Variants in PHYHIPL observed in about 807,000 individuals in gnomAD.
The protein encoded by PHYHIPL is phytanoyl-CoA 2-hydroxylase interacting protein like, also known as phytanoyl-CoA hydroxylase-interacting protein-like.
PHYHIPL carries 9 observed loss-of-function variants against 33.4 expected under a neutral mutation model. The observed-to-expected ratio is 0.27, with a 90% CI of 0.16 to 0.47. PHYHIPL has a LOEUF of 0.47. Among genes scored for constraint, PHYHIPL ranks in the 20% least tolerant of loss-of-function variants. PHYHIPL has a pLI of 0.99. For synonymous variants in PHYHIPL, 153 were observed against 154.1 expected, an observed-to-expected ratio of 0.99 and a Z score of 0.05; for missense variants, 365 against 460.7, an observed-to-expected ratio of 0.79 and a Z score of 1.90.
chr10:59,179,004 A>C (rs1016241671), intron 1 of PHYHIPL, among the ~76,000 whole-genome samples: 7 of 152,178 alleles, frequency 4.6e-5, no homozygotes, highest in Non-Finnish European at 1.0e-4. Flanking sequence ...AACAAATACA[A>C]AGAGCTAACT....
At chr10:59,174,253 C>G (rs148884813), upstream of PHYHIPL, among the ~76,000 whole-genome samples, 266 of 152,058 alleles carry the variant, frequency 1.7e-3, 1 homozygote, top group African/African-American at 5.7e-3. Context: ...TACCCCTTTC[C>G]CGTAATTCTC....
At chr10:59,175,678 T>C (rs1287601737), upstream of PHYHIPL, among the ~76,000 whole-genome samples, 1 of 152,208 alleles carries the variant, frequency 6.6e-6, no homozygotes, top group Non-Finnish European at 1.5e-5. Flanking sequence ...CACTGCAGAA[T>C]CTTAAATGCA....
intron 1 of PHYHIPL, among the ~76,000 whole-genome samples, chr10:59,198,331 T>G (rs548581375): frequency 2.2e-4 from 33 of 152,160 alleles, no homozygotes; most frequent in African/African-American, 6.7e-4. Flanking sequence ...GCGATAGTTT[T>G]CTGAGAATGA....
chr10:59,199,231 A>C lies in PHYHIPL; in HGVS notation c.106+22272A>C, dbSNP rs1347578859. ...TTTAATCCATCTTGAACTAATTTTT[A>C]TATAAGATATAAGGAAGGGATCCAG... On this transcript the variant is annotated intron_variant, in intron 1 of 4. Coordinates refer to ENST00000373880, the MANE Select transcript of PHYHIPL (RefSeq NM_032439.4). 4.0e-5 allele frequency among the ~76,000 whole-genome samples: 6 copies of C among 151,842 alleles called. No individual in the cohort carries two copies. The East Asian group carries it at 7.7e-4, about 20-fold the overall frequency.
At chr10:59,177,370 C>G (rs1838282707) in intron 1 of PHYHIPL, 2 of 1,126,330 alleles carry the variant, frequency 1.8e-6, no homozygotes, top group Admixed American at 2.8e-5. Flanking sequence ...CACACACACA[C>G]TAGTTGGCAT....
At chr10:59,199,511 T>C (rs1462312854) in intron 1 of PHYHIPL, among the ~76,000 whole-genome samples, 9 of 152,170 alleles carry the variant, frequency 5.9e-5, no homozygotes, top group Non-Finnish European at 1.2e-4. Context: ...GCTTTGTTCT[T>C]TGGCTTAGGA....
At chr10:59,209,569 C>T (rs1839387744) in intron 1 of PHYHIPL, among the ~76,000 whole-genome samples, 1 of 152,166 alleles carries the variant, frequency 6.6e-6, no homozygotes, top group African/African-American at 2.4e-5. Flanking sequence ...ATCAAATTCA[C>T]ACATAACAAT....
intron 1 of PHYHIPL, among the ~76,000 whole-genome samples, chr10:59,203,470 A>G (rs1361715598): frequency 1.3e-5 from 2 of 152,206 alleles, no homozygotes; most frequent in Non-Finnish European, 2.9e-5. Context: ...ACGCACACGT[A>G]TGTTTATTGT....
chr10:59,211,864 A>AT (rs1396864033), intron 1 of PHYHIPL, among the ~76,000 whole-genome samples: 1 of 152,004 alleles, frequency 6.6e-6, no homozygotes, highest in African/African-American at 2.4e-5. Context: ...CATATTTCTG[A>AT]TTTTTACATT....
At chr10:59,226,117 C>T (rs893338609) in intron 1 of PHYHIPL, among the ~76,000 whole-genome samples, 2 of 151,194 alleles carry the variant, frequency 1.3e-5, no homozygotes, top group African/African-American at 4.9e-5. Flanking sequence ...AGATAATAAA[C>T]TAATATATAA....
intron 4 of PHYHIPL, among the ~76,000 whole-genome samples, chr10:59,243,474 G>C (rs1840487287): frequency 6.6e-6 from 1 of 152,008 alleles, no homozygotes; most frequent in African/African-American, 2.4e-5. Context: ...AAAAGTATAG[G>C]GTCACATCCA....
rs376756765 is a variant in PHYHIPL, at chr10:59,245,225, C to T, written c.765C>T (p.Ala255=). ...SPYGRYRFEI[A]AEKLFNPNTN... is the part of the protein sequence containing the mutation. ...ATGGAAGATACAGGTTTGAGATTGC[C>T]GCAGAAAAACTTTTTAACCCCAATA... The change falls in exon 5 of 5, where the codon GCC becomes GCT. Residue 255 remains alanine, a synonymous_variant. Coordinates refer to ENST00000373880, the MANE Select transcript of PHYHIPL (RefSeq NM_032439.4). The T allele has an allele frequency of 2.1e-5, 34 of 1,614,090 alleles. No individual in the cohort carries two copies. Among genetic ancestry groups the T allele is most frequent in the African/African-American group, 1.1e-4 (8 of 75,022 alleles).
chr10:59,181,689 T>C (rs1454257131), intron 1 of PHYHIPL, among the ~76,000 whole-genome samples: 1 of 152,104 alleles, frequency 6.6e-6, no homozygotes, highest in Non-Finnish European at 1.5e-5. Flanking sequence ...TATAGAGATA[T>C]TAGTGAGTAT....
intron 1 of PHYHIPL, among the ~76,000 whole-genome samples, chr10:59,202,952 T>C (rs1749944530): frequency 6.6e-6 from 1 of 152,162 alleles, no homozygotes; most frequent in Non-Finnish European, 1.5e-5. Context: ...GGTCGTAAAC[T>C]GCAGCACCCA....
intron 2 of PHYHIPL, among the ~76,000 whole-genome samples, chr10:59,236,267 T>A (rs1400231250): frequency 6.6e-6 from 1 of 151,912 alleles, no homozygotes; most frequent in East Asian, 1.9e-4. Flanking sequence ...GTCAGGAACT[T>A]AATAAGTTAT....
intron 1 of PHYHIPL, among the ~76,000 whole-genome samples, chr10:59,223,719 C>T (rs1369223656): frequency 6.6e-6 from 1 of 151,942 alleles, no homozygotes; most frequent in Non-Finnish European, 1.5e-5. Flanking sequence ...AGTTCAGTGG[C>T]ATGATCATGG....
chr10:59,244,203 G>A (rs1840532831), intron 4 of PHYHIPL, among the ~76,000 whole-genome samples: 1 of 152,144 alleles, frequency 6.6e-6, no homozygotes, highest in Non-Finnish European at 1.5e-5. Context: ...GTGAGGTAAA[G>A]TGGGAATAAC....
chr10:59,200,607 G>C (rs1294887560), intron 1 of PHYHIPL, among the ~76,000 whole-genome samples: 2 of 152,120 alleles, frequency 1.3e-5, no homozygotes, highest in Non-Finnish European at 2.9e-5. Context: ...TTTTTCTACT[G>C]ATCGGAATAG....
intron 1 of PHYHIPL, among the ~76,000 whole-genome samples, chr10:59,218,342 T>C (rs911131602): frequency 1.3e-5 from 2 of 152,178 alleles, no homozygotes; most frequent in Admixed American, 1.3e-4. Flanking sequence ...AAAGATATCA[T>C]TCTCCTCATT....
Sources: gnomAD v4.1 joint callset for allele counts (sites outside exome capture counted in the v4.1 genomes callset) on GRCh38, gnomAD v4.1.1 for gene constraint, MANE v1.5 for transcripts, NCBI Gene and HGNC (gene_info 2026-07-23, HGNC 2026-07-21) for gene names.